MYT1L: variants seen among roughly 807,000 people sequenced by gnomAD.
The protein encoded by MYT1L is myelin transcription factor 1-like protein.
In MYT1L, 12 loss-of-function variants were observed where a neutral mutation model predicts 126.7. That is an observed-to-expected ratio of 0.09 (90% confidence interval 0.06 to 0.15). The LOEUF is 0.15. Ranked by LOEUF, MYT1L falls within the 10% of genes least tolerant of loss-of-function variation. The pLI is 1.00. For missense variants in MYT1L, 979 were observed against 1,585.2 expected (o/e 0.62, Z 6.49); for synonymous variants, 541 against 604.2 (o/e 0.90, Z 1.53).
intron 3 of MYT1L, among the ~76,000 whole-genome samples, chr2:2,139,759 C>T (rs2083666736): frequency 6.6e-6 from 1 of 152,140 alleles, no homozygotes; most frequent in Non-Finnish European, 1.5e-5. Flanking sequence ...CTGAGTAGAA[C>T]AGAATCATTG....
intron 3 of MYT1L, among the ~76,000 whole-genome samples, chr2:2,083,853 T>C (rs1004627763): frequency 1.3e-5 from 2 of 151,404 alleles, no homozygotes; most frequent in Non-Finnish European, 2.9e-5. Context: ...GTTCAGTTCT[T>C]AGAGGGGAGG....
At chr2:2,278,029 C>T (rs2095391410) in intron 2 of MYT1L, among the ~76,000 whole-genome samples, 1 of 152,300 alleles carries the variant, frequency 6.6e-6, no homozygotes, top group Middle Eastern at 3.4e-3. Flanking sequence ...TTCAGAAACA[C>T]TTTTCATATA....
chr2:2,191,009 T>G (rs1572319174), intron 2 of MYT1L, among the ~76,000 whole-genome samples: 1 of 152,190 alleles, frequency 6.6e-6, no homozygotes, highest in Non-Finnish European at 1.5e-5. Context: ...GGTCTCAAAC[T>G]CCCAACCTCA....
chr2:1,987,714 AG>A (rs2061154010), intron 5 of MYT1L, among the ~76,000 whole-genome samples: 2 of 152,298 alleles, frequency 1.3e-5, no homozygotes, highest in Admixed American at 1.3e-4. Context: ...TGAGTCTAAG[AG>A]AAAGAGCAGA....
intron 3 of MYT1L, among the ~76,000 whole-genome samples, chr2:2,171,622 C>G (rs919922879): frequency 6.6e-6 from 1 of 150,906 alleles, no homozygotes; most frequent in Non-Finnish European, 1.5e-5. Context: ...TTTTTGTCGT[C>G]GTCGTTGTTG....
Position 1,910,419 on chromosome 2 carries a change from A to ATCAGGGTCTTGGTG in MYT1L, c.1710-73_1710-72insCACCAAGACCCTGA. On this transcript the variant is annotated intron_variant, in intron 12 of 24. Transcript: ENST00000647738. The surrounding 1 kb of genome is among the most constrained non-coding windows in gnomAD (Gnocchi z 4.8). ...CACAGCACACTAATCCTCCCTTAGC[A>ATCAGGGTCTTGGTG]CCAAGACCCTGATGCAGGTGGAGCT... 1 of 1,379,742 alleles carries ATCAGGGTCTTGGTG rather than the reference A, an allele frequency of 7.2e-7. No individual in the cohort carries two copies. Among genetic ancestry groups the ATCAGGGTCTTGGTG allele is most frequent in the Non-Finnish European group, 1.0e-6 (1 of 986,438 alleles). The allele number at this position is 1,379,742 out of a possible 1,614,324, so 85.5% of individuals were successfully genotyped here. A position where few individuals can be genotyped will look rare whatever the true frequency, so the allele number is the denominator to read the frequency against.
Position 1,979,785 on chromosome 2 carries a change from T to C in MYT1L, c.1-8A>G. On this transcript the variant is annotated splice_polypyrimidine_tract_variant and splice_region_variant and intron_variant, in intron 5 of 24. Coordinates refer to ENST00000647738, the MANE Select transcript of MYT1L (RefSeq NM_001303052.2). This position sits in a 1 kb window ranked among gnomAD's most constrained non-coding sequence, Gnocchi z 4.0. ...CTCGGTGTCCACCTCCATCTGGGGA[T>C]AGATTAGCAGCCATCAATGTGCTTA... is the stretch of plus-strand genomic sequence containing the variant. 1 of 1,613,856 alleles carries C rather than the reference T, an allele frequency of 6.2e-7. No homozygotes were observed. Among genetic ancestry groups the C allele is most frequent in the Non-Finnish European group, 8.5e-7 (1 of 1,179,870 alleles).
At chr2:1,869,103 C>G (rs78832132) in intron 18 of MYT1L, among the ~76,000 whole-genome samples, 1,591 of 152,362 alleles carry the variant, frequency 0.01, 28 homozygotes, top group African/African-American at 0.036. Flanking sequence ...TGTGCCTCAC[C>G]GGTCCATGCA....
intron 8 of MYT1L, among the ~76,000 whole-genome samples, chr2:1,946,902 T>C (rs2057281474): frequency 6.6e-6 from 1 of 152,230 alleles, no homozygotes; most frequent in African/African-American, 2.4e-5. Flanking sequence ...AGACTTGTTC[T>C]GGTGGATACC....
In MYT1L at chr2:1,861,535, C is replaced by T. The variant is rs534372273; in HGVS notation, c.2712-9832G>A. Among the ~76,000 whole-genome samples, 7 of 150,350 alleles carry T rather than the reference C, an allele frequency of 4.7e-5. No individual in the cohort carries two copies. The South Asian group carries it at 8.5e-4, about 18-fold the overall frequency. ...TTTTTTTGTAGCCCTTAACTTCTCT[C>T]ATAGGGAAAAGATTTGTATTCTAAT... On this transcript the variant is annotated intron_variant, in intron 18 of 24. Coordinates refer to ENST00000647738, the MANE Select transcript of MYT1L (RefSeq NM_001303052.2).
chr2:1,857,301 T>A (rs1275577762), intron 18 of MYT1L, among the ~76,000 whole-genome samples: 1 of 152,220 alleles, frequency 6.6e-6, no homozygotes, highest in Non-Finnish European at 1.5e-5. Flanking sequence ...TTTATTTTTT[T>A]TAAAAGTCTT....
intron 21 of MYT1L, among the ~76,000 whole-genome samples, chr2:1,818,986 C>A (rs2038116662): frequency 6.6e-6 from 1 of 152,142 alleles, no homozygotes; most frequent in African/African-American, 2.4e-5. Context: ...GTGTGACCAC[C>A]CAGATGGCCC....
intron 21 of MYT1L, among the ~76,000 whole-genome samples, chr2:1,814,158 C>T (rs1288138376): frequency 6.6e-6 from 1 of 152,132 alleles, no homozygotes; most frequent in Non-Finnish European, 1.5e-5. Flanking sequence ...CCGCTGTCCA[C>T]TCACGAATTC....
intron 21 of MYT1L, among the ~76,000 whole-genome samples, chr2:1,833,115 T>C (rs937443282): frequency 3.3e-5 from 5 of 152,168 alleles, no homozygotes; most frequent in African/African-American, 1.2e-4. Flanking sequence ...CTCAAGTTCC[T>C]AGGAAGCCTC....
intron 2 of MYT1L, among the ~76,000 whole-genome samples, chr2:2,230,412 G>A (rs755535447): frequency 4.6e-5 from 7 of 152,148 alleles, no homozygotes; most frequent in East Asian, 1.9e-4. Flanking sequence ...AATATGTGAC[G>A]CCTGTTCCCT....
At chr2:1,876,783 T>C (rs10185669) in intron 18 of MYT1L, among the ~76,000 whole-genome samples, 29,413 of 152,186 alleles carry the variant, frequency 0.19, 4,357 homozygotes, top group African/African-American at 0.42. Context: ...CCAAGACCAG[T>C]GACCTCAGGT....
rs1434129539 is a variant in MYT1L, at chr2:1,887,108, C to T, written c.2642+380G>A. 1 of 416,690 alleles carries T rather than the reference C, an allele frequency of 2.4e-6. No homozygotes were observed. The highest frequency in any genetic ancestry group is 4.2e-6 in the Non-Finnish European group (1 of 237,438). The allele number at this position is 416,690 out of a possible 1,614,324, so 25.8% of individuals were successfully genotyped here. Reference sequence around the variant, plus strand: ...GTCACATGACCACTCCCATCACACCCTGGAGTTGGACATCTGCCACCAAAC... The same window carrying T: ...GTCACATGACCACTCCCATCACACCTTGGAGTTGGACATCTGCCACCAAAC... On this transcript the variant is annotated intron_variant, in intron 17 of 24. Transcript: ENST00000647738. The surrounding 1 kb of genome is among the most constrained non-coding windows in gnomAD (Gnocchi z 4.8).
intron 14 of MYT1L, among the ~76,000 whole-genome samples, chr2:1,895,474 G>A (rs550824017): frequency 1.3e-5 from 2 of 152,324 alleles, no homozygotes; most frequent in South Asian, 4.1e-4. Context: ...TAAGGCTACA[G>A]TAACCAAAAT....
At position 1,979,436 on chromosome 2, in the gene MYT1L, G is replaced by A; in HGVS notation, c.89+85C>T. 2 of 1,349,110 alleles carry A rather than the reference G, an allele frequency of 1.5e-6. No homozygotes were observed. Among genetic ancestry groups the A allele is most frequent in the East Asian group, 2.3e-5 (1 of 43,596 alleles). 83.6% of individuals were successfully genotyped at this position (1,349,110 alleles called of 1,614,324 possible). On this transcript the variant is annotated intron_variant, in intron 7 of 24. Transcript: ENST00000647738. The surrounding 1 kb of genome is among the most constrained non-coding windows in gnomAD (Gnocchi z 4.0). Reference sequence around the variant, plus strand: ...AGCAGGGCGTGAGCAAGCTGCCGATGAGCTGGAAGGTGCAGTGTGCCCATT... The same window carrying A: ...AGCAGGGCGTGAGCAAGCTGCCGATAAGCTGGAAGGTGCAGTGTGCCCATT...
Sources: gnomAD v4.1 joint callset for allele counts (sites outside exome capture counted in the v4.1 genomes callset) on GRCh38, gnomAD v4.1.1 for gene constraint, Gnocchi (gnomAD v3.1) non-coding constraint, MANE v1.5 for transcripts, NCBI Gene and HGNC (gene_info 2026-07-23, HGNC 2026-07-21) for gene names.